The following SFI1 variants were observed in gnomAD, a reference collection of about 807,000 sequenced individuals.
SFI1 encodes SFI1 centrin binding protein, also known as protein SFI1 homolog.
In SFI1, 195 loss-of-function variants were observed where a neutral mutation model predicts 207.5. The ratio of observed to expected loss-of-function variants is 0.94; its 90% CI spans 0.84 to 1.06. The LOEUF is 1.06. SFI1 is among the 50% of genes least tolerant of loss of function. The pLI, the probability that SFI1 is intolerant of heterozygous loss-of-function variation, is 0.00. For missense variants in SFI1, 1,634 were observed against 1,588.0 expected (o/e 1.03, Z -0.49); for synonymous variants, 630 against 598.9 (o/e 1.05, Z -0.76).
At chr22:31,534,092 A>G (rs2078367901) in intron 4 of SFI1, among the ~76,000 whole-genome samples, 1 of 152,088 alleles carries the variant, frequency 6.6e-6, no homozygotes, top group South Asian at 2.1e-4. Context: ...ATATTTTTAA[A>G]TCTATAAAGC....
intron 7 of SFI1, among the ~76,000 whole-genome samples, chr22:31,557,788 A>G (rs1804839588): frequency 6.6e-6 from 1 of 152,174 alleles, no homozygotes; most frequent in Admixed American, 6.6e-5. Context: ...ACTAGGGCTC[A>G]CCCACCCATG....
chr22:31,585,907 A>G (rs1215141891), intron 14 of SFI1, among the ~76,000 whole-genome samples: 2 of 151,946 alleles, frequency 1.3e-5, no homozygotes, highest in Non-Finnish European at 2.9e-5. Context: ...ACACAAACCA[A>G]ACTCCTCCCA....
At chr22:31,597,748 T>C (rs2067359517) in intron 15 of SFI1, among the ~76,000 whole-genome samples, 1 of 152,212 alleles carries the variant, frequency 6.6e-6, no homozygotes, top group African/African-American at 2.4e-5. Context: ...CAAATTAAAG[T>C]TCCAAATAAA....
At chr22:31,617,939 A>G (rs1226656010) in intron 31 of SFI1, among the ~76,000 whole-genome samples, 176 bp from the exon 32 acceptor site, 1 of 152,102 alleles carries the variant, frequency 6.6e-6, no homozygotes. Context: ...GGGAGAGGAA[A>G]AAGAACAAGT....
intron 7 of SFI1, chr22:31,559,468 A>G (rs2061469142): frequency 2.2e-6 from 1 of 462,258 alleles, no homozygotes; most frequent in Non-Finnish European, 4.1e-6. Flanking sequence ...ACACACCGCC[A>G]GTTGTGTTCC....
intron 10 of SFI1, among the ~76,000 whole-genome samples, chr22:31,575,998 C>A (rs1483947883): frequency 6.6e-6 from 1 of 152,034 alleles, no homozygotes; most frequent in Non-Finnish European, 1.5e-5. Context: ...ATTTTCAAAA[C>A]CTAGGCCTTT....
chr22:31,530,918 A>G (rs1004666627), intron 3 of SFI1, 140 bp from the exon 4 acceptor site: 6 of 645,936 alleles, frequency 9.3e-6, no homozygotes, highest in Non-Finnish European at 1.6e-5. Context: ...ATGATGCAAA[A>G]TTAGCTATGA....
intron 15 of SFI1, among the ~76,000 whole-genome samples, chr22:31,592,674 C>T (rs1400725290): frequency 1.0e-4 from 7 of 69,898 alleles, no homozygotes; most frequent in Non-Finnish European, 1.7e-4. Context: ...GCTGGCCGGG[C>T]GGGGGGCTGA....
chr22:31,611,954 C>G, intron 24 of SFI1, 114 bp downstream of exon 24: 1 of 1,476,992 alleles, frequency 6.8e-7, no homozygotes, highest in Non-Finnish European at 9.0e-7. Flanking sequence ...TTTACTATCA[C>G]CCTCCCCAGG....
intron 20 of SFI1, chr22:31,605,196 C>T (rs1162795476): frequency 3.1e-6 from 1 of 326,932 alleles, no homozygotes; most frequent in Admixed American, 4.9e-5. Context: ...TTGTCTTGCT[C>T]TTCTGAGCAC....
At chr22:31,609,951 T>G (rs962142525) in intron 22 of SFI1, among the ~76,000 whole-genome samples, 1 of 152,150 alleles carries the variant, frequency 6.6e-6, no homozygotes, top group African/African-American at 2.4e-5. Context: ...CGGGTTTGAG[T>G]GTTGCCGGAA....
rs1191771965 is a variant in SFI1 at position 31,575,396 on chromosome 22, T to C, written c.1084+4T>C. ...GCCTTTACTCACTGGAAACACTGTA[T>C]CCTTTCAGATACTCAGGCTGTCCAT... On this transcript the variant is annotated splice_donor_region_variant and intron_variant, in intron 10 of 32. Coordinates refer to ENST00000400288, the MANE Select transcript of SFI1 (RefSeq NM_001007467.3). The C allele has an allele frequency of 2.5e-6, 4 of 1,595,412 alleles. No homozygotes were observed. Among genetic ancestry groups the C allele is most frequent in the South Asian group, 1.1e-5 (1 of 87,860 alleles).
intron 15 of SFI1, among the ~76,000 whole-genome samples, chr22:31,593,034 C>T (rs1195401890): frequency 2.2e-5 from 3 of 133,964 alleles, no homozygotes; most frequent in Non-Finnish European, 4.8e-5. Context: ...AGGTGGGGGG[C>T]TGACCCCCCC....
chr22:31,594,197 A>G (rs2066691025), intron 15 of SFI1, among the ~76,000 whole-genome samples: 1 of 152,188 alleles, frequency 6.6e-6, no homozygotes, highest in African/African-American at 2.4e-5. Flanking sequence ...CGAAACACTT[A>G]GTTCCTGTTC....
intron 4 of SFI1, among the ~76,000 whole-genome samples, chr22:31,534,147 CTCGCTCTG>C (rs1470552881): frequency 2.0e-5 from 3 of 152,172 alleles, no homozygotes; most frequent in East Asian, 3.9e-4. Context: ...GAGACAGAGT[CTCGCTCTG>C]TCGCTCAGGC....
At chr22:31,608,174 G>A (rs893593463) in intron 22 of SFI1, 141 bp downstream of exon 22, 1 of 623,528 alleles carries the variant, frequency 1.6e-6, no homozygotes, top group Admixed American at 2.7e-5. Context: ...ACCACAGACT[G>A]GGAGTCTTCA....
chr22:31,559,096 C>T (rs2061434380), intron 7 of SFI1, among the ~76,000 whole-genome samples: 1 of 152,018 alleles, frequency 6.6e-6, no homozygotes, highest in Admixed American at 6.6e-5. Context: ...CATGAGCCAC[C>T]GGGCCCAGCC....
intron 29 of SFI1, chr22:31,615,664 T>C (rs1041044770): frequency 1.7e-5 from 3 of 180,080 alleles, no homozygotes; most frequent in Non-Finnish European, 3.4e-5. Flanking sequence ...GTGCAGGCTG[T>C]GGTCACCATG....
chr22:31,589,193 A>G (rs1019586349), intron 14 of SFI1, among the ~76,000 whole-genome samples: 1 of 127,118 alleles, frequency 7.9e-6, no homozygotes, highest in Non-Finnish European at 1.7e-5. Flanking sequence ...AGTGAGTGAG[A>G]GTGTGTGTAT....
Sources: gnomAD v4.1 joint callset for allele counts (sites outside exome capture counted in the v4.1 genomes callset) on GRCh38, gnomAD v4.1.1 for gene constraint, MANE v1.5 for transcripts, NCBI Gene and HGNC (gene_info 2026-07-23, HGNC 2026-07-21) for gene names.